Variants in HDAC4 observed in about 807,000 individuals in gnomAD.
HDAC4 encodes histone deacetylase 4.
HDAC4 carries 16 observed loss-of-function variants against 135.1 expected under a neutral mutation model. The ratio of observed to expected loss-of-function variants is 0.12; its 90% CI spans 0.08 to 0.18. HDAC4 has a LOEUF of 0.18. Ranked by LOEUF, HDAC4 falls within the 10% of genes least tolerant of loss-of-function variation. The probability of loss-of-function intolerance (pLI) is 1.00; values close to 1 mark genes in which losing one functional copy is unlikely to be tolerated. For synonymous variants in HDAC4, 685 were observed against 653.4 expected, an observed-to-expected ratio of 1.05 and a Z score of -0.74; for missense variants, 1,143 against 1,511.8, an observed-to-expected ratio of 0.76 and a Z score of 4.05.
chr2:239,195,220 G>A (rs1200670793), intron 3 of HDAC4, among the ~76,000 whole-genome samples: 3 of 152,246 alleles, frequency 2.0e-5, no homozygotes, highest in African/African-American at 7.2e-5. Flanking sequence ...GGACTGCCAC[G>A]TGAAACTCCA....
intron 2 of HDAC4, chr2:239,298,322 C>G: frequency 8.1e-7 from 1 of 1,233,042 alleles, no homozygotes; most frequent in Non-Finnish European, 1.0e-6. Context: ...CCCTGGGCAT[C>G]ACGTGGAGAT....
At chr2:239,318,780 A>G (rs868456750) in intron 2 of HDAC4, among the ~76,000 whole-genome samples, 11 of 152,242 alleles carry the variant, frequency 7.2e-5, no homozygotes, top group African/African-American at 2.7e-4. Context: ...CAAAATTAAA[A>G]GTTAAAAAGA....
intron 6 of HDAC4, among the ~76,000 whole-genome samples, chr2:239,162,541 G>A (rs549597217): frequency 6.6e-6 from 1 of 152,196 alleles, no homozygotes; most frequent in African/African-American, 2.4e-5. Flanking sequence ...CCCCCAAAGC[G>A]GGCTCCCAGG....
In HDAC4 at chr2:239,126,656, C is replaced by A; in HGVS notation, c.1333G>T (p.Ala445Ser). ...LSGLGALPLH[A>S]QSLVGADRVS... ...CGGTCTGCACCAACCAAGGACTGTG[C>A]GTGGAGGGGCAGTGCTCCCAGGCCT... Residue 445 changes from alanine (A) to serine (S), a missense_variant, in exon 12 of 27, where the codon GCA becomes TCA. Around this residue, in one of 9 missense-constraint regions of HDAC4, gnomAD observed 272 missense variants for 309.7 expected, o/e 0.88. Transcript: ENST00000543185. 4.3e-6 allele frequency: 7 copies of A among 1,613,908 alleles called. No homozygotes were observed. The highest frequency in any genetic ancestry group is 2.2e-5 in the East Asian group (1 of 44,876).
intron 3 of HDAC4, among the ~76,000 whole-genome samples, chr2:239,213,553 G>A (rs2046455808): frequency 6.6e-6 from 1 of 152,156 alleles, no homozygotes; most frequent in South Asian, 2.1e-4. Flanking sequence ...ATCCCCAAAA[G>A]CCTGCATCTG....
intron 2 of HDAC4, among the ~76,000 whole-genome samples, chr2:239,310,792 T>C (rs1475723258): frequency 6.6e-6 from 1 of 152,162 alleles, no homozygotes; most frequent in Non-Finnish European, 1.5e-5. Context: ...CCTCACTCAA[T>C]GTCCAACACT....
At chr2:239,379,032 G>A (rs939975030) in intron 1 of HDAC4, among the ~76,000 whole-genome samples, 5 of 152,300 alleles carry the variant, frequency 3.3e-5, no homozygotes, top group Admixed American at 6.5e-5. Context: ...GGGGTGGGAC[G>A]GGAAGGTAAA....
chr2:239,133,775 C>T (rs373137933), intron 11 of HDAC4, among the ~76,000 whole-genome samples: 24 of 152,176 alleles, frequency 1.6e-4, no homozygotes, highest in African/African-American at 5.8e-4. Context: ...CCGGTGTGCC[C>T]TCATTTCTGA....
chr2:239,239,947 GCC>G (rs2048084584), intron 2 of HDAC4, among the ~76,000 whole-genome samples: 1 of 152,238 alleles, frequency 6.6e-6, no homozygotes, highest in African/African-American at 2.4e-5. Flanking sequence ...ACATGTGGAG[GCC>G]CCGTGAGCCC....
intron 18 of HDAC4, 186 bp downstream of exon 18, chr2:239,089,823 T>G: frequency 1.6e-6 from 1 of 622,748 alleles, no homozygotes; most frequent in Non-Finnish European, 3.0e-6. Context: ...ACATACCCTA[T>G]CACAAATGTG....
chr2:239,299,541 G>A lies in HDAC4; in HGVS notation c.22+53137C>T, dbSNP rs138517200. On this transcript the variant is annotated intron_variant, in intron 2 of 26. Coordinates refer to ENST00000543185, the MANE Select transcript of HDAC4 (RefSeq NM_001378414.1). The surrounding 1 kb of genome is among the most constrained non-coding windows in gnomAD (Gnocchi z 4.0). ...TATTACAGCTGTACAACTGTACAAC[G>A]GGAGGGCAGCGACACGTGCTTATTT... 3.3e-5 allele frequency among the ~76,000 whole-genome samples: 5 copies of A among 151,828 alleles called. No homozygotes were observed. Among genetic ancestry groups the A allele is most frequent in the African/African-American group, 9.7e-5 (4 of 41,346 alleles).
At chr2:239,375,689 G>T (rs34376304) in intron 1 of HDAC4, among the ~76,000 whole-genome samples, 1 of 152,098 alleles carries the variant, frequency 6.6e-6, no homozygotes, top group Non-Finnish European at 1.5e-5. Context: ...GCAGCAGAAG[G>T]GCAGTCTGGG....
intron 2 of HDAC4, among the ~76,000 whole-genome samples, chr2:239,269,961 G>A (rs1248133707): frequency 1.3e-5 from 2 of 149,524 alleles, no homozygotes; most frequent in Non-Finnish European, 2.9e-5. Flanking sequence ...CAAGAGCAGC[G>A]AGTGGACCTG....
intron 8 of HDAC4, among the ~76,000 whole-genome samples, chr2:239,142,640 A>G (rs149772514): frequency 1.4e-5 from 2 of 144,828 alleles, no homozygotes; most frequent in African/African-American, 2.9e-5. Context: ...GGGTGAGCTC[A>G]GCACTGATCA....
chr2:239,278,456 G>C (rs918985530), intron 2 of HDAC4, among the ~76,000 whole-genome samples: 1 of 152,252 alleles, frequency 6.6e-6, no homozygotes, highest in Non-Finnish European at 1.5e-5. Context: ...CAGGCAGATT[G>C]CTTGAGCCCA....
chr2:239,270,208 G>T (rs1023929228), intron 2 of HDAC4, among the ~76,000 whole-genome samples: 5 of 152,208 alleles, frequency 3.3e-5, no homozygotes, highest in Non-Finnish European at 5.9e-5. Flanking sequence ...CAGCTGTGTG[G>T]ACCCTGTGGC....
chr2:239,105,214 G>A (rs1400152141), intron 15 of HDAC4, among the ~76,000 whole-genome samples: 1 of 152,176 alleles, frequency 6.6e-6, no homozygotes, highest in Admixed American at 6.5e-5. Flanking sequence ...CACAGGCTTG[G>A]GGCAGGGTGC....
At chr2:239,232,338 GCTGA>G (rs1484466735) in intron 3 of HDAC4, among the ~76,000 whole-genome samples, 3 of 152,204 alleles carry the variant, frequency 2.0e-5, no homozygotes, top group East Asian at 1.9e-4. Context: ...GTCTCTCCTG[GCTGA>G]CTAATTCCAT....
At chr2:239,360,563 A>G (rs1693793415) in intron 1 of HDAC4, among the ~76,000 whole-genome samples, 1 of 152,178 alleles carries the variant, frequency 6.6e-6, no homozygotes. Context: ...TTCCACTGAG[A>G]GCAAACGGGA....
Sources: gnomAD v4.1 joint callset for allele counts (sites outside exome capture counted in the v4.1 genomes callset) on GRCh38, gnomAD v4.1.1 for gene constraint, gnomAD v4.1.1 regional missense constraint, Gnocchi (gnomAD v3.1) non-coding constraint, MANE v1.5 for transcripts, NCBI Gene and HGNC (gene_info 2026-07-23, HGNC 2026-07-21) for gene names.